The following FANCM variants were observed in gnomAD, a reference collection of about 807,000 sequenced individuals.
FANCM encodes the protein Fanconi anemia group M protein.
In FANCM, 140 loss-of-function variants were observed where a neutral mutation model predicts 199.5. That is an observed-to-expected ratio of 0.70 (90% CI 0.61 to 0.81). FANCM has a LOEUF of 0.81. FANCM is among the 30% of genes least tolerant of loss of function. The probability of loss-of-function intolerance (pLI) is 0.00; values close to 1 mark genes in which losing one functional copy is unlikely to be tolerated. For synonymous variants in FANCM, 840 were observed against 836.8 expected (o/e 1.00, Z -0.07); for missense variants, 2,410 against 2,421.4 (o/e 1.00, Z 0.10).
chr14:45,192,195 G>A (rs1312361140), intron 20 of FANCM, among the ~76,000 whole-genome samples: 11 of 152,186 alleles, frequency 7.2e-5, no homozygotes, highest in Admixed American at 7.2e-4. Flanking sequence ...ATAACAAAGA[G>A]CCAGTCATCT....
chr14:45,159,042 T>A, intron 8 of FANCM, 54 bp from the exon 9 acceptor site: 2 of 1,120,178 alleles, frequency 1.8e-6, no homozygotes, highest in Non-Finnish European at 2.6e-6. Flanking sequence ...GAACTATTTC[T>A]TGTCTAAATG....
chr14:45,199,916 G>A lies in FANCM; in HGVS notation c.6055G>A (p.Ala2019Thr), dbSNP rs1890268255. The A allele has an allele frequency of 6.2e-7, 1 of 1,608,008 alleles. No homozygotes were observed. The highest frequency in any genetic ancestry group is 8.5e-7 in the Non-Finnish European group (1 of 1,174,780). Residue 2019 changes from alanine to threonine, a missense_variant, in exon 23 of 23, where the codon GCT becomes ACT. Coordinates refer to ENST00000267430, the MANE Select transcript of FANCM (RefSeq NM_020937.4). Reference protein sequence around the residue: ...SMYAQVTHQKAEEIYRYIHYV... With the variant: ...SMYAQVTHQKTEEIYRYIHYV... ...GTATGCACAAGTAACTCATCAGAAG[G>A]CTGAGGAGATCTATAGATATATTCA... is the stretch of plus-strand genomic sequence containing the variant.
Position 45,164,515 on chromosome 14 carries a change from A to G in FANCM, c.1738A>G (p.Lys580Glu). Residue 580 changes from lysine (K) to glutamate (E), a missense_variant, in exon 10 of 23, where the codon AAA (lysine) becomes GAA (glutamate). Physicochemically the swap from Lys to Glu is moderately conservative, Grantham distance 56 (BLOSUM62 1). Transcript: ENST00000267430. ...ACAACGAATGGGTAGAACTGGCCGTAAACGTCAAGGCAGGATAGTTATTAT... is the reference window on the plus strand; with the variant it reads ...ACAACGAATGGGTAGAACTGGCCGTGAACGTCAAGGCAGGATAGTTATTAT... Reference protein sequence around the residue: ...LVQRMGRTGRKRQGRIVIILS... With the variant: ...LVQRMGRTGRERQGRIVIILS... The G allele has an allele frequency of 6.2e-7, 1 of 1,613,716 alleles. No homozygotes were observed. The highest frequency in any genetic ancestry group is 8.5e-7 in the Non-Finnish European group (1 of 1,179,994).
intron 20 of FANCM, among the ~76,000 whole-genome samples, chr14:45,193,948 A>G (rs1889915185): frequency 6.6e-6 from 1 of 152,144 alleles, no homozygotes; most frequent in Admixed American, 6.6e-5. Flanking sequence ...TGAAAATGGG[A>G]TGTCTTTTTA....
chr14:45,179,268 G>A (rs776977620), intron 14 of FANCM, among the ~76,000 whole-genome samples: 2 of 151,998 alleles, frequency 1.3e-5, no homozygotes, highest in Non-Finnish European at 2.9e-5. Flanking sequence ...CACAATCTTT[G>A]ATTTTTAAGG....
chr14:45,153,210 A>G (rs963562978), intron 5 of FANCM, among the ~76,000 whole-genome samples: 1 of 152,222 alleles, frequency 6.6e-6, no homozygotes, highest in African/African-American at 2.4e-5. Flanking sequence ...CCATGAGAGT[A>G]GTGGTTGAAA....
chr14:45,184,747 G>A (rs2139281609), intron 17 of FANCM, among the ~76,000 whole-genome samples: 1 of 150,224 alleles, frequency 6.7e-6, no homozygotes, highest in South Asian at 2.1e-4. Context: ...AAATAGATAG[G>A]TAACTTTATC....
intron 8 of FANCM, among the ~76,000 whole-genome samples, chr14:45,155,714 G>A (rs1315144129): frequency 6.6e-6 from 1 of 152,190 alleles, no homozygotes; most frequent in Non-Finnish European, 1.5e-5. Flanking sequence ...TAGGAGAATC[G>A]CTTGAACCTG....
chr14:45,175,007 CTT>C (rs1257553335), intron 13 of FANCM, 62 bp from the exon 14 acceptor site: 45 of 952,260 alleles, frequency 4.7e-5, no homozygotes, highest in Non-Finnish European at 7.1e-5. Context: ...AAACTCCTCT[CTT>C]AGATTTGGCT....
At chr14:45,185,421 CTTATAT>C in intron 18 of FANCM, 48 bp downstream of exon 18, 1 of 1,092,748 alleles carries the variant, frequency 9.2e-7, no homozygotes, top group South Asian at 1.5e-5. Context: ...TTTTTATGTG[CTTATAT>C]TTAAATATTT....
At chr14:45,151,922 A>AG (rs1886847766) in intron 5 of FANCM, among the ~76,000 whole-genome samples, 1 of 151,928 alleles carries the variant, frequency 6.6e-6, no homozygotes. Context: ...TAAAAAAAAA[A>AG]AAAAAAAAAA....
In FANCM at chr14:45,164,455, T is replaced by C. The variant is rs2139204843; in HGVS notation, c.1678T>C (p.Cys560Arg). ...TATAGGAGAAGTTGATCTTATAATA[T>C]GTTTTGATTCCCAGAAGAGCCCAAT... ...LDIGEVDLII[C>R]FDSQKSPIRL... Residue 560 changes from cysteine (C) to arginine (R), a missense_variant, in exon 10 of 23, where the codon TGT (cysteine) becomes CGT (arginine). Cys to Arg is a radical substitution (Grantham distance 180). Coordinates refer to ENST00000267430, the MANE Select transcript of FANCM (RefSeq NM_020937.4). 4 of 1,613,680 alleles carry C rather than the reference T, an allele frequency of 2.5e-6. No individual in the cohort carries two copies. The highest frequency in any genetic ancestry group is 3.4e-6 in the Non-Finnish European group (4 of 1,179,922).
Position 45,188,869 on chromosome 14 carries a change from G to A in FANCM, c.4847G>A (p.Gly1616Asp), listed in dbSNP as rs1232508556. The A allele has an allele frequency of 5.0e-6, 8 of 1,613,588 alleles. No individual in the cohort carries two copies. Among genetic ancestry groups the A allele is most frequent in the Admixed American group, 1.7e-5 (1 of 59,982 alleles). Residue 1616 changes from glycine to aspartate, a missense_variant, in exon 20 of 23, where the codon GGC (glycine) becomes GAC (aspartate). By Grantham distance (94) the Gly-to-Asp change is moderately conservative (BLOSUM62 -1). Transcript: ENST00000267430. Reference protein sequence around the residue: ...FCVDEEESCKGQSSEEEVCVD... With the variant: ...FCVDEEESCKDQSSEEEVCVD... The stretch of plus-strand genomic sequence containing the variant: ...GTTGATGAAGAGGAGTCTTGCAAAG[G>A]CCAATCAAGTGAAGAAGAAGTTTGT...
At chr14:45,190,882 GTTC>G (rs1178183328) in intron 20 of FANCM, among the ~76,000 whole-genome samples, 1 of 152,126 alleles carries the variant, frequency 6.6e-6, no homozygotes, top group African/African-American at 2.4e-5. Flanking sequence ...CCCAAGATGA[GTTC>G]TTATTGTGTT....
intron 3 of FANCM, among the ~76,000 whole-genome samples, chr14:45,142,308 C>CTTT (rs747693010): frequency 2.2e-5 from 3 of 137,636 alleles, no homozygotes; most frequent in South Asian, 4.6e-4. Context: ...CCTCTTTTTT[C>CTTT]TTTTTTTTTT....
rs146436929 is a variant in FANCM at position 45,198,775 on chromosome 14, T to G, written c.5848T>G (p.Leu1950Val). The G allele has an allele frequency of 3.3e-5, 53 of 1,614,058 alleles. No individual in the cohort carries two copies. The African/African-American group carries it at 6.4e-4, about 19-fold the overall frequency. The change falls in exon 22 of 23, where the codon TTA becomes GTA. Residue 1950 changes from leucine to valine, a missense_variant. Transcript: ENST00000267430. ...ETADLLKELS[L>V]VEQRKNVGIH... is the part of the protein sequence containing the mutation. The stretch of plus-strand genomic sequence containing the variant: ...CGCAGATTTGCTAAAGGAACTGTCT[T>G]TAGTGGAACAAAGAAAGAATGTTGG...
intron 16 of FANCM, among the ~76,000 whole-genome samples, chr14:45,182,816 CT>C (rs1445032092): frequency 6.6e-6 from 1 of 152,172 alleles, no homozygotes. Context: ...TACACCTAAT[CT>C]ACTGAATATC....
intron 20 of FANCM, among the ~76,000 whole-genome samples, chr14:45,192,381 C>T (rs745312414): frequency 6.6e-6 from 1 of 152,210 alleles, no homozygotes; most frequent in Non-Finnish European, 1.5e-5. Flanking sequence ...GTGGCTTACG[C>T]CTATAATCCC....
In FANCM at chr14:45,142,105, G is replaced by C. The variant is rs533663716; in HGVS notation, c.759+1396G>C. Among the ~76,000 whole-genome samples the C allele has an allele frequency of 1.2e-4, 18 of 152,136 alleles. 3 individuals carry two copies. Among genetic ancestry groups the C allele is most frequent in the African/African-American group, 3.6e-4 (15 of 41,446 alleles). On this transcript the variant is annotated intron_variant, in intron 3 of 22. Transcript: ENST00000267430. ...TGGTCCTCTCCCGTCTTCCCCTAAT[G>C]TTAACGTATCATATAACCATAATAA...
Sources: gnomAD v4.1 joint callset for allele counts (sites outside exome capture counted in the v4.1 genomes callset) on GRCh38, gnomAD v4.1.1 for gene constraint, MANE v1.5 for transcripts, NCBI Gene and HGNC (gene_info 2026-07-23, HGNC 2026-07-21) for gene names.